The following TNFRSF1B variants were observed in gnomAD, a reference collection of about 807,000 sequenced individuals.
TNFRSF1B encodes the protein tumor necrosis factor receptor superfamily member 1B.
In TNFRSF1B, 19 loss-of-function variants were observed where a neutral mutation model predicts 44.6. That is an observed-to-expected ratio of 0.43 (90% CI 0.30 to 0.62). TNFRSF1B has a LOEUF of 0.62. Among genes scored for constraint, TNFRSF1B ranks in the 20% least tolerant of loss-of-function variants. The probability of loss-of-function intolerance (pLI) is 0.16; values close to 1 mark genes in which losing one functional copy is unlikely to be tolerated. For synonymous variants in TNFRSF1B, 252 were observed against 261.1 expected, an observed-to-expected ratio of 0.97 and a Z score of 0.34; for missense variants, 541 against 619.9, an observed-to-expected ratio of 0.87 and a Z score of 1.35.
At position 12,193,052 on chromosome 1, in the gene TNFRSF1B, C is replaced by T. The variant is rs761853712; in HGVS notation, c.741C>T (p.Pro247=). Residue 247 remains proline, a synonymous_variant, in exon 6 of 10, where the codon CCC becomes CCT. Coordinates refer to ENST00000376259, the MANE Select transcript of TNFRSF1B (RefSeq NM_001066.3). The stretch of plus-strand genomic sequence containing the variant: ...CCTCCTTCCTGCTCCCAATGGGCCC[C>T]AGCCCCCCAGCTGAAGGGAGCACTG... The part of the protein sequence containing the change: ...PSTSFLLPMG[P]SPPAEGSTGD... 1.2e-6 allele frequency: 2 copies of T among 1,614,120 alleles called. No homozygotes were observed. Among genetic ancestry groups the T allele is most frequent in the South Asian group, 2.2e-5 (2 of 91,086 alleles).
rs1208893913 is a variant in TNFRSF1B at position 12,192,447 on chromosome 1, C to T, written c.474C>T (p.Asp158=). 3 of 1,614,024 alleles carry T rather than the reference C, an allele frequency of 1.9e-6. No homozygotes were observed. Among genetic ancestry groups the T allele is most frequent in the South Asian group, 1.1e-5 (1 of 91,082 alleles). Reference sequence around the variant, plus strand: ...TCCCTGAAGGAACTGAAACATCAGACGTGGTGTGCAAGCCCTGTGCCCCGG... The same window carrying T: ...TCCCTGAAGGAACTGAAACATCAGATGTGGTGTGCAAGCCCTGTGCCCCGG... ...GVARPGTETS[D]VVCKPCAPGT... The change falls in exon 5 of 10, where the codon GAC becomes GAT. Residue 158 remains aspartate, a synonymous_variant. Transcript: ENST00000376259.
intron 3 of TNFRSF1B, 198 bp from the exon 4 acceptor site, chr1:12,191,576 G>C: frequency 1.5e-6 from 1 of 665,574 alleles, no homozygotes; most frequent in Non-Finnish European, 2.6e-6. Context: ...CGGGACTGCG[G>C]AGAGTAGCGG....
In TNFRSF1B at chr1:12,177,983, G is replaced by A. The variant is rs769949768; in HGVS notation, c.79-10813G>A. Among the ~76,000 whole-genome samples the A allele has an allele frequency of 6.6e-6, 1 of 152,120 alleles. No individual in the cohort carries two copies. The highest frequency in any genetic ancestry group is 1.5e-5 in the Non-Finnish European group (1 of 68,014). ...GATTAACTGACGTACTTAGGGTTTTGCAGCTCACTAGAGGCAGAGCCAAGA... is the reference window on the plus strand; with the variant it reads ...GATTAACTGACGTACTTAGGGTTTTACAGCTCACTAGAGGCAGAGCCAAGA... On this transcript the variant is annotated intron_variant, in intron 1 of 9. Transcript: ENST00000376259. The surrounding 1 kb of genome is among the most constrained non-coding windows in gnomAD (Gnocchi z 4.3).
chr1:12,204,808 C>A lies in TNFRSF1B; in HGVS notation c.1106-1932C>A, dbSNP rs59135930. 3.5e-3 allele frequency among the ~76,000 whole-genome samples: 513 copies of A among 148,434 alleles called. 4 individuals carry two copies. The highest frequency in any genetic ancestry group is 0.012 in the African/African-American group (454 of 38,094). On this transcript the variant is annotated intron_variant, in intron 9 of 9. Coordinates refer to ENST00000376259, the MANE Select transcript of TNFRSF1B (RefSeq NM_001066.3). Reference sequence around the variant, plus strand: ...AAAAACATCACCACCACCACCACCACCACCACCAACAAAAAAACCCGTAGA... The same window carrying A: ...AAAAACATCACCACCACCACCACCAACACCACCAACAAAAAAACCCGTAGA...
rs1253545967 is a variant in TNFRSF1B at position 12,180,384 on chromosome 1, C to G, written c.79-8412C>G. 6.6e-6 allele frequency among the ~76,000 whole-genome samples: 1 copy of G among 152,218 alleles called. No homozygotes were observed. Reference sequence around the variant, plus strand: ...GTGCTTTCAGCTTTTTCCTTCTCCTCCAGGCCTCCCTTCTTTCCTTCCTCT... The same window carrying G: ...GTGCTTTCAGCTTTTTCCTTCTCCTGCAGGCCTCCCTTCTTTCCTTCCTCT... On this transcript the variant is annotated intron_variant, in intron 1 of 9. Transcript: ENST00000376259. This position sits in a 1 kb window ranked among gnomAD's most constrained non-coding sequence, Gnocchi z 4.3.
In TNFRSF1B at chr1:12,199,705, T is replaced by C. The variant is rs926517235; in HGVS notation, c.901-2262T>C. Among the ~76,000 whole-genome samples, 4 of 152,168 alleles carry C rather than the reference T, an allele frequency of 2.6e-5. No individual in the cohort carries two copies. The highest frequency in any genetic ancestry group is 9.6e-5 in the African/African-American group (4 of 41,458). On this transcript the variant is annotated intron_variant, in intron 8 of 9. Coordinates refer to ENST00000376259, the MANE Select transcript of TNFRSF1B (RefSeq NM_001066.3). The surrounding 1 kb of genome is among the most constrained non-coding windows in gnomAD (Gnocchi z 4.0). ...GGGAGGCAGGAGGTCTCAGCCTTTC[T>C]TGGGGGGCGGTGGCACCTGCGCTGC...
In TNFRSF1B at chr1:12,184,657, GGCTCTTGAGA is replaced by G. The variant is rs1254461989; in HGVS notation, c.79-4136_79-4127del. 2.0e-5 allele frequency among the ~76,000 whole-genome samples: 3 copies of G among 152,300 alleles called. No homozygotes were observed. In the East Asian group the frequency reaches 5.8e-4, roughly 30 times the overall value. On this transcript the variant is annotated intron_variant, in intron 1 of 9. Transcript: ENST00000376259. ...GTGGCCAGGAGCCCTCGTCCATTGC[GGCTCTTGAGA>G]GCCCAAACTTGGCCACGGCAGGGCT...
In TNFRSF1B at chr1:12,193,017, G is replaced by A. The variant is rs5746027; in HGVS notation, c.706G>A (p.Ala236Thr). ...HTQPTPEPST[A>T]PSTSFLLPMG... is the part of the protein sequence containing the mutation. ...GCAGCCAACTCCAGAACCCAGCACT[G>A]CTCCAAGCACCTCCTTCCTGCTCCC... Residue 236 changes from alanine to threonine, a missense_variant, in exon 6 of 10, where the codon GCT (alanine) becomes ACT (threonine). Transcript: ENST00000376259. The A allele has an allele frequency of 7.7e-5, 125 of 1,614,194 alleles. No homozygotes were observed. The African/African-American group carries it at 1.4e-3, about 18-fold the overall frequency.
chr1:12,187,077 G>A lies in TNFRSF1B; in HGVS notation c.79-1719G>A, dbSNP rs565575278. On this transcript the variant is annotated intron_variant, in intron 1 of 9. Coordinates refer to ENST00000376259, the MANE Select transcript of TNFRSF1B (RefSeq NM_001066.3). The surrounding 1 kb of genome is among the most constrained non-coding windows in gnomAD (Gnocchi z 5.5). ...TGGAGGGTCACTCAGAGACCCGAGA[G>A]AGGAGGGCTCTGCGTCTGCTCCTCT... Among the ~76,000 whole-genome samples the A allele has an allele frequency of 5.6e-4, 85 of 152,266 alleles. No homozygotes were observed. The highest frequency in any genetic ancestry group is 1.9e-3 in the African/African-American group (81 of 41,546).
rs755627203 is a variant in TNFRSF1B, at chr1:12,191,878, G to A, written c.412G>A (p.Ala138Thr). ...CAAGCAGGAGGGGTGCCGGCTGTGC[G>A]CGCCGCTGCGCAAGTGCCGCCCGGG... ...LSKQEGCRLC[A>T]PLRKCRPGFG... The change falls in exon 4 of 10, where the codon GCG becomes ACG. Residue 138 changes from alanine (A) to threonine (T), a missense_variant. Coordinates refer to ENST00000376259, the MANE Select transcript of TNFRSF1B (RefSeq NM_001066.3). 1.9e-6 allele frequency: 3 copies of A among 1,610,582 alleles called. No homozygotes were observed. Among genetic ancestry groups the A allele is most frequent in the African/African-American group, 2.7e-5 (2 of 74,856 alleles).
At chr1:12,190,722 A>C (rs1639096448) in intron 2 of TNFRSF1B, among the ~76,000 whole-genome samples, 1 of 152,062 alleles carries the variant, frequency 6.6e-6, no homozygotes, top group Non-Finnish European at 1.5e-5. Flanking sequence ...CCAGTGGTGG[A>C]GGTTCAAGCA....
chr1:12,174,203 C>T (rs1313483528), intron 1 of TNFRSF1B, among the ~76,000 whole-genome samples: 3 of 132,130 alleles, frequency 2.3e-5, no homozygotes, highest in African/African-American at 9.0e-5. Context: ...TCTCCTTCTC[C>T]TTCTCCTTCT....
At position 12,167,044 on chromosome 1, in the gene TNFRSF1B, G is replaced by T; in HGVS notation, c.-48G>T. 1 of 1,218,980 alleles carries T rather than the reference G, an allele frequency of 8.2e-7. No individual in the cohort carries two copies. The highest frequency in any genetic ancestry group is 2.6e-5 in the South Asian group (1 of 37,976). The allele number at this position is 1,218,980 out of a possible 1,614,324, so 75.5% of individuals were successfully genotyped here. On this transcript the variant is annotated 5_prime_UTR_variant, in exon 1 of 10. In the 5' UTR this introduces an upstream ATG that the reference lacks. Coordinates refer to ENST00000376259, the MANE Select transcript of TNFRSF1B (RefSeq NM_001066.3). ...CTGGAGAGAAGGCGCTGGGCTGCGAGGGCGCGAGGGCGCGAGGGCAGGGGG... is the reference window on the plus strand; with the variant it reads ...CTGGAGAGAAGGCGCTGGGCTGCGATGGCGCGAGGGCGCGAGGGCAGGGGG...
intron 8 of TNFRSF1B, among the ~76,000 whole-genome samples, chr1:12,195,094 C>T (rs1330321761): frequency 4.6e-5 from 7 of 152,302 alleles, no homozygotes; most frequent in East Asian, 3.9e-4. Context: ...GGCCCTTGGG[C>T]GTGGGGGAAG....
rs653667 is a variant in TNFRSF1B at position 12,191,751 on chromosome 1, T to G, written c.308-23T>G. On this transcript the variant is annotated intron_variant, in intron 3 of 9. Transcript: ENST00000376259. ...GTGTGGCGGAGGCAGGCGTGACCGT[T>G]TGCCGCCCTCTCGCTGCTCTAGACC... The G allele has an allele frequency of 0.35, 566,106 of 1,611,124 alleles. 100,871 individuals carry two copies. Among genetic ancestry groups the G allele is most frequent in the Middle Eastern group, 0.41 (2,359 of 5,822 alleles).
rs1025639257 is a variant in TNFRSF1B, at chr1:12,201,954, C to G, written c.901-13C>G. On this transcript the variant is annotated splice_polypyrimidine_tract_variant and intron_variant, in intron 8 of 9. Transcript: ENST00000376259. Reference sequence around the variant, plus strand: ...GGCTGACTGCTCTCCCCTACCACCCCCTGCCCATCCAGCCTCACTTGCCTG... The same window carrying G: ...GGCTGACTGCTCTCCCCTACCACCCGCTGCCCATCCAGCCTCACTTGCCTG... The G allele has an allele frequency of 1.3e-6, 2 of 1,598,308 alleles. No individual in the cohort carries two copies. Among genetic ancestry groups the G allele is most frequent in the Non-Finnish European group, 1.7e-6 (2 of 1,171,250 alleles).
chr1:12,191,795 G>A lies in TNFRSF1B; in HGVS notation c.329G>A (p.Cys110Tyr). ...CTAGACCAGGTGGAAACTCAAGCCT[G>A]CACTCGGGAACAGAACCGCATCTGC... ...CSSDQVETQA[C>Y]TREQNRICTC... is the part of the protein sequence containing the mutation. Residue 110 changes from cysteine to tyrosine, a missense_variant, in exon 4 of 10, where the codon TGC becomes TAC. Physicochemically the swap from Cys to Tyr is radical, Grantham distance 194. Transcript: ENST00000376259. 6.2e-7 allele frequency: 1 copy of A among 1,613,588 alleles called. No homozygotes were observed. Among genetic ancestry groups the A allele is most frequent in the Non-Finnish European group, 8.5e-7 (1 of 1,179,806 alleles).
Position 12,193,515 on chromosome 1 carries a change from T to C in TNFRSF1B, c.787+417T>C, listed in dbSNP as rs1034908056. ...ATGAGCCCAGGAATTTGAGGCTGCA[T>C]TGAGCTCTGATCGTGCCACTGCACT... On this transcript the variant is annotated intron_variant, in intron 6 of 9. Transcript: ENST00000376259. Among the ~76,000 whole-genome samples the C allele has an allele frequency of 2.6e-5, 4 of 152,302 alleles. No homozygotes were observed. In the East Asian group the frequency reaches 5.8e-4, roughly 22 times the overall value.
At chr1:12,206,703 C>A in intron 9 of TNFRSF1B, 37 bp from the exon 10 acceptor site, 1 of 1,534,402 alleles carries the variant, frequency 6.5e-7, no homozygotes, top group Non-Finnish European at 8.8e-7. Flanking sequence ...ACTCCTGGAC[C>A]CCCGGACTGA....
Sources: gnomAD v4.1 joint callset for allele counts (sites outside exome capture counted in the v4.1 genomes callset) on GRCh38, gnomAD v4.1.1 for gene constraint, Gnocchi (gnomAD v3.1) non-coding constraint, MANE v1.5 for transcripts, NCBI Gene and HGNC (gene_info 2026-07-23, HGNC 2026-07-21) for gene names.